The following NAA15 variants were observed in gnomAD, a reference collection of about 807,000 sequenced individuals.
NAA15 encodes the protein N-terminal acetyltransferase.
A neutral mutation model predicts 114.0 loss-of-function variants in NAA15; 34 were observed. The ratio of observed to expected loss-of-function variants is 0.30; its 90% CI spans 0.23 to 0.40. NAA15 has a LOEUF of 0.40. Among genes scored for constraint, NAA15 ranks in the 10% least tolerant of loss-of-function variants. The pLI, the probability that NAA15 is intolerant of heterozygous loss-of-function variation, is 1.00. For synonymous variants in NAA15, 340 were observed against 338.0 expected, an observed-to-expected ratio of 1.01 and a Z score of -0.06; for missense variants, 658 against 1,004.5, an observed-to-expected ratio of 0.66 and a Z score of 4.66.
chr4:139,344,910 C>T (rs1275479013), intron 6 of NAA15, among the ~76,000 whole-genome samples: 1 of 152,082 alleles, frequency 6.6e-6, no homozygotes, highest in Non-Finnish European at 1.5e-5. Flanking sequence ...AGATCCCACT[C>T]AGCAGAGGGC....
chr4:139,330,765 T>G (rs1021267362), intron 1 of NAA15, among the ~76,000 whole-genome samples: 4 of 152,186 alleles, frequency 2.6e-5, no homozygotes, highest in African/African-American at 9.7e-5. Flanking sequence ...AGCCTGTGAT[T>G]GAGACACTGT....
chr4:139,304,177 C>T (rs928579508), intron 1 of NAA15, among the ~76,000 whole-genome samples: 2 of 152,212 alleles, frequency 1.3e-5, no homozygotes, highest in Non-Finnish European at 2.9e-5. Flanking sequence ...CTCGGCCTTC[C>T]GAAGTGCTGC....
At chr4:139,354,679 C>G (rs1579117905) in intron 10 of NAA15, among the ~76,000 whole-genome samples, 2 of 152,214 alleles carry the variant, frequency 1.3e-5, no homozygotes, top group Admixed American at 6.5e-5. Context: ...TAATAATCCT[C>G]TCTTTACCCA....
intron 12 of NAA15, 89 bp downstream of exon 12, chr4:139,359,984 T>G: frequency 7.7e-7 from 1 of 1,303,424 alleles, no homozygotes; most frequent in Non-Finnish European, 1.0e-6. Flanking sequence ...AAAGTTTGTC[T>G]TTAATATTTT....
chr4:139,352,061 C>T (rs1747797045), intron 9 of NAA15, among the ~76,000 whole-genome samples: 1 of 151,900 alleles, frequency 6.6e-6, no homozygotes, highest in African/African-American at 2.4e-5. Flanking sequence ...CTTACTCTTT[C>T]AGCTACATGT....
At chr4:139,304,602 A>G (rs1560947860) in intron 1 of NAA15, among the ~76,000 whole-genome samples, 1 of 152,206 alleles carries the variant, frequency 6.6e-6, no homozygotes, top group Non-Finnish European at 1.5e-5. Flanking sequence ...CTAATGCAAT[A>G]TTACTGTTAT....
intron 15 of NAA15, among the ~76,000 whole-genome samples, chr4:139,372,716 T>A (rs1214582888): frequency 6.7e-6 from 1 of 149,534 alleles, no homozygotes; most frequent in Non-Finnish European, 1.5e-5. Context: ...ATATAGTATC[T>A]CCCCCGCCCT....
At chr4:139,339,449 A>C (rs1445699395) in intron 3 of NAA15, among the ~76,000 whole-genome samples, 1 of 152,186 alleles carries the variant, frequency 6.6e-6, no homozygotes, top group Non-Finnish European at 1.5e-5. Flanking sequence ...GTGAGCTATG[A>C]GTGTGCCACT....
rs1443805979 is a variant in NAA15, at chr4:139,389,991, A to C, written c.*1907A>C. ...TTTCAACTCCTATGAGTGGCAACTG[A>C]AGTTCTTATTGTTGGGAAAGAACAC... On this transcript the variant is annotated 3_prime_UTR_variant, in exon 20 of 20. Transcript: ENST00000296543. 2 of 152,672 alleles carry C rather than the reference A, an allele frequency of 1.3e-5. No homozygotes were observed. The highest frequency in any genetic ancestry group is 2.9e-5 in the Non-Finnish European group (2 of 68,038). The allele number at this position is 152,672 out of a possible 1,614,324, so 9.5% of individuals were successfully genotyped here. A position where few individuals can be genotyped will look rare whatever the true frequency, so the allele number is the denominator to read the frequency against.
chr4:139,352,435 A>G (rs933212545), intron 9 of NAA15, among the ~76,000 whole-genome samples: 16 of 151,676 alleles, frequency 1.1e-4, no homozygotes, highest in African/African-American at 3.6e-4. Context: ...TAATTTTTAG[A>G]TTATTTTGGT....
intron 15 of NAA15, among the ~76,000 whole-genome samples, chr4:139,372,286 G>T (rs962963363): frequency 3.9e-5 from 6 of 152,188 alleles, no homozygotes; most frequent in African/African-American, 1.4e-4. Context: ...CACCTGCAGA[G>T]CAGAATTCTT....
intron 1 of NAA15, among the ~76,000 whole-genome samples, chr4:139,314,491 A>G (rs1746316553): frequency 6.6e-6 from 1 of 151,890 alleles, no homozygotes. Flanking sequence ...ACATGATTTA[A>G]CTTAGAGTTG....
Position 139,384,897 on chromosome 4 carries a change from CT to C in NAA15, c.2226del (p.Phe742LeufsTer14). 1.3e-6 allele frequency: 2 copies of C among 1,555,416 alleles called. No homozygotes were observed. Among genetic ancestry groups the C allele is most frequent in the South Asian group, 1.3e-5 (1 of 79,996 alleles). On this transcript the variant is annotated frameshift_variant, in exon 18 of 20. Transcript: ENST00000296543. LOFTEE classifies it high-confidence loss of function. ...RTVLKQEMNRLFGATNPKNFN... is the reference protein window; with the variant it reads ...RTVLKQEMNRXFGATNPKNFN... ...AGTATTAAAACAAGAAATGAATCGT[CT>C]TTTTGGAGCAACGAATCCAAAGAAT...
rs6812752 is a variant in NAA15, at chr4:139,307,207, G to C, written c.54+5376G>C. ...ATAGCACTGCACAGTAGAATTTTCT[G>C]TGATGATGGAAATATTTGTTATCTG... is the stretch of plus-strand genomic sequence containing the variant. On this transcript the variant is annotated intron_variant, in intron 1 of 19. Coordinates refer to ENST00000296543, the MANE Select transcript of NAA15 (RefSeq NM_057175.5). Among the ~76,000 whole-genome samples, 13 of 152,250 alleles carry C rather than the reference G, an allele frequency of 8.5e-5. No homozygotes were observed. In the South Asian group the frequency reaches 2.5e-3, roughly 29 times the overall value.
rs557429982 is a variant in NAA15 at position 139,335,030 on chromosome 4, ATC to A, written c.139+778_139+779del. Among the ~76,000 whole-genome samples the A allele has an allele frequency of 3.3e-5, 5 of 152,178 alleles. 1 individual carries two copies. The South Asian group carries it at 1.0e-3, about 32-fold the overall frequency. On this transcript the variant is annotated intron_variant, in intron 2 of 19. Coordinates refer to ENST00000296543, the MANE Select transcript of NAA15 (RefSeq NM_057175.5). ...AATGGAGATAAAAGTATTTAAATTT[ATC>A]TCTCTGCTGGGTGCTGGGGCTCACT...
chr4:139,309,098 A>G (rs907419144), intron 1 of NAA15, among the ~76,000 whole-genome samples: 1 of 152,004 alleles, frequency 6.6e-6, no homozygotes, highest in Non-Finnish European at 1.5e-5. Flanking sequence ...CTGTAATCCC[A>G]GCACTTTGGG....
intron 1 of NAA15, among the ~76,000 whole-genome samples, chr4:139,303,422 ATATT>A (rs1412568674): frequency 1.3e-5 from 2 of 152,182 alleles, no homozygotes; most frequent in East Asian, 3.8e-4. Context: ...ACCTTTACTT[ATATT>A]TATTTGCCAT....
chr4:139,374,395 A>G (rs185707929), intron 15 of NAA15, among the ~76,000 whole-genome samples: 20 of 152,154 alleles, frequency 1.3e-4, no homozygotes, highest in African/African-American at 2.9e-4. Context: ...TCAGTGAACA[A>G]TGGACCCCAA....
intron 1 of NAA15, among the ~76,000 whole-genome samples, chr4:139,316,304 A>C (rs546245500): frequency 6.6e-6 from 1 of 151,892 alleles, no homozygotes; most frequent in Non-Finnish European, 1.5e-5. Flanking sequence ...TGTCTCTTCT[A>C]TATGTATGAC....
Sources: allele counts gnomAD v4.1 joint callset (sites outside exome capture counted in the v4.1 genomes callset), GRCh38; gene constraint gnomAD v4.1.1; transcripts MANE v1.5; gene names NCBI Gene and HGNC (gene_info 2026-07-23, HGNC 2026-07-21).